Variants in SH3RF3 observed in about 807,000 individuals in gnomAD.
The protein encoded by SH3RF3 is E3 ubiquitin-protein ligase SH3RF3.
Under a neutral mutation model 66.3 loss-of-function variants are expected in SH3RF3, and 29 were observed. The ratio of observed to expected loss-of-function variants is 0.44; its 90% CI spans 0.33 to 0.60. SH3RF3 has a LOEUF of 0.60. Among genes scored for constraint, SH3RF3 ranks in the 20% least tolerant of loss-of-function variants. SH3RF3 has a pLI of 0.04. For synonymous variants in SH3RF3, 583 were observed against 532.0 expected, an observed-to-expected ratio of 1.10 and a Z score of -1.32; for missense variants, 1,194 against 1,190.9, an observed-to-expected ratio of 1.00 and a Z score of -0.04.
chr2:109,437,187 G>A, intron 7 of SH3RF3, 41 bp downstream of exon 7: 1 of 1,562,268 alleles, frequency 6.4e-7, no homozygotes, highest in Non-Finnish European at 8.7e-7. Flanking sequence ...CATCAACAAG[G>A]GGGCTTCCTG....
At position 109,249,527 on chromosome 2, in the gene SH3RF3, C is replaced by CTT. The variant is rs1175710698; in HGVS notation, c.574-98145_574-98144dup. Among the ~76,000 whole-genome samples the CTT allele has an allele frequency of 3.1e-3, 363 of 117,436 alleles. 2 individuals carry two copies. The highest frequency in any genetic ancestry group is 4.3e-3 in the Non-Finnish European group (237 of 55,026). The allele number at this position is 117,436 out of a possible 152,430, so 77.0% of individuals were successfully genotyped here. A position where few individuals can be genotyped will look rare whatever the true frequency, so the allele number is the denominator to read the frequency against. ...TTTCTTTCATTCTTTCTTTTTCTTT[C>CTT]TTTCTTTCCTTCCTTCCTTCCTTCC... On this transcript the variant is annotated intron_variant, in intron 1 of 9. Coordinates refer to ENST00000309415, the MANE Select transcript of SH3RF3 (RefSeq NM_001099289.3).
At chr2:109,194,736 CG>C (rs1678456025) in intron 1 of SH3RF3, among the ~76,000 whole-genome samples, 1 of 152,174 alleles carries the variant, frequency 6.6e-6, no homozygotes, top group Non-Finnish European at 1.5e-5. Flanking sequence ...CCCTGCAGGC[CG>C]GGGATGCTTC....
chr2:109,446,165 C>A (rs1677698709), intron 7 of SH3RF3, among the ~76,000 whole-genome samples: 1 of 152,160 alleles, frequency 6.6e-6, no homozygotes, highest in South Asian at 2.1e-4. Flanking sequence ...TGAGCACACT[C>A]TTCACCAGCC....
At chr2:109,380,180 T>TAG (rs1683481415) in intron 3 of SH3RF3, among the ~76,000 whole-genome samples, 1 of 152,162 alleles carries the variant, frequency 6.6e-6, no homozygotes, top group Admixed American at 6.5e-5. Context: ...CCAGCAAAAA[T>TAG]AGGTAGGTGC....
At chr2:109,339,869 C>A (rs1682518727) in intron 1 of SH3RF3, among the ~76,000 whole-genome samples, 1 of 152,204 alleles carries the variant, frequency 6.6e-6, no homozygotes, top group African/African-American at 2.4e-5. Flanking sequence ...CTGCCCTTTC[C>A]CTTCCATAAT....
chr2:109,402,721 G>A (rs1676347738), intron 4 of SH3RF3, among the ~76,000 whole-genome samples: 1 of 152,240 alleles, frequency 6.6e-6, no homozygotes, highest in Admixed American at 6.5e-5. Context: ...ACAGGATGGT[G>A]AAGTGTACAA....
chr2:109,468,854 A>AG (rs1397483514), intron 8 of SH3RF3, among the ~76,000 whole-genome samples: 1 of 131,766 alleles, frequency 7.6e-6, no homozygotes, highest in South Asian at 2.6e-4. Context: ...ACTCTGTCTC[A>AG]GAAAAAAAAA....
intron 1 of SH3RF3, among the ~76,000 whole-genome samples, chr2:109,185,456 AC>A (rs1368792068): frequency 6.6e-6 from 1 of 152,256 alleles, no homozygotes; most frequent in Non-Finnish European, 1.5e-5. Flanking sequence ...AGTTAATTTA[AC>A]AAAATAAACT....
chr2:109,210,025 G>A (rs1191867837), intron 1 of SH3RF3, among the ~76,000 whole-genome samples: 1 of 152,200 alleles, frequency 6.6e-6, no homozygotes, highest in African/African-American at 2.4e-5. Flanking sequence ...CTCTGTGAAT[G>A]ACTATTCTAG....
At chr2:109,257,307 TAAGGAAGAGGG>T (rs1436780004) in intron 1 of SH3RF3, among the ~76,000 whole-genome samples, 1 of 147,174 alleles carries the variant, frequency 6.8e-6, no homozygotes, top group Non-Finnish European at 1.5e-5. Flanking sequence ...GATGTGGGCT[TAAGGAAGAGGG>T]AAGGAGGAAT....
At chr2:109,259,950 T>A (rs958277803) in intron 1 of SH3RF3, among the ~76,000 whole-genome samples, 2 of 152,190 alleles carry the variant, frequency 1.3e-5, no homozygotes, top group African/African-American at 4.8e-5. Flanking sequence ...ATATCCATGT[T>A]CTCAGACGCC....
chr2:109,398,940 C>G lies in SH3RF3; in HGVS notation c.1296C>G (p.Thr432=). ...DLAHLSCAAP[T]QDVSSSAGST... The stretch of plus-strand genomic sequence containing the variant: ...CTCATCTGTCGTGCGCTGCTCCCAC[C>G]CAGGTAACATCCCGCGGGCCAGGGC... The change falls in exon 4 of 10, where the codon ACC becomes ACG. Residue 432 remains threonine (T), a synonymous_variant. Coordinates refer to ENST00000309415, the MANE Select transcript of SH3RF3 (RefSeq NM_001099289.3). 1.2e-6 allele frequency: 2 copies of G among 1,610,402 alleles called. No individual in the cohort carries two copies. Among genetic ancestry groups the G allele is most frequent in the Non-Finnish European group, 1.7e-6 (2 of 1,178,846 alleles).
chr2:109,278,824 G>A lies in SH3RF3; in HGVS notation c.574-68850G>A, dbSNP rs143649316. Among the ~76,000 whole-genome samples, 1,305 of 152,286 alleles carry A rather than the reference G, an allele frequency of 8.6e-3. 14 individuals carry two copies. The highest frequency in any genetic ancestry group is 0.012 in the Non-Finnish European group (801 of 68,026). ...GTTTGTGGGTATTGCATCGGCCAAG[G>A]CAAATCGTGGGGCTAAGCCCAGGGT... is the stretch of plus-strand genomic sequence containing the variant. On this transcript the variant is annotated intron_variant, in intron 1 of 9. Transcript: ENST00000309415.
intron 1 of SH3RF3, among the ~76,000 whole-genome samples, chr2:109,335,014 C>T (rs1402009213): frequency 6.6e-6 from 1 of 152,242 alleles, no homozygotes; most frequent in East Asian, 1.9e-4. Flanking sequence ...TATGTCACCG[C>T]GTTGGCGACT....
chr2:109,395,278 C>G (rs1019107854), intron 3 of SH3RF3, among the ~76,000 whole-genome samples: 5 of 152,146 alleles, frequency 3.3e-5, no homozygotes, highest in Non-Finnish European at 7.4e-5. Flanking sequence ...TGAGGCCCTT[C>G]GGGTTAGTCC....
At chr2:109,387,343 GT>G (rs1201547047) in intron 3 of SH3RF3, among the ~76,000 whole-genome samples, 4 of 152,114 alleles carry the variant, frequency 2.6e-5, no homozygotes, top group Non-Finnish European at 5.9e-5. Context: ...GAGCCCTCCG[GT>G]TCCCCATCTC....
chr2:109,180,015 A>G (rs1341570709), intron 1 of SH3RF3, among the ~76,000 whole-genome samples: 6 of 152,150 alleles, frequency 3.9e-5, no homozygotes, highest in Non-Finnish European at 8.8e-5. Context: ...GACCCATTCA[A>G]ATTACCTCAA....
chr2:109,331,226 G>C (rs541498598), intron 1 of SH3RF3, among the ~76,000 whole-genome samples: 2 of 152,122 alleles, frequency 1.3e-5, no homozygotes, highest in East Asian at 1.9e-4. Context: ...GAAATTTCCT[G>C]ATATTGTGTA....
intron 1 of SH3RF3, among the ~76,000 whole-genome samples, chr2:109,277,757 T>C (rs1680791467): frequency 6.6e-6 from 1 of 152,140 alleles, no homozygotes; most frequent in Non-Finnish European, 1.5e-5. Flanking sequence ...GGTGGATGTG[T>C]AGGTTTTGGG....
Sources: gnomAD v4.1 joint callset for allele counts (sites outside exome capture counted in the v4.1 genomes callset) on GRCh38, gnomAD v4.1.1 for gene constraint, MANE v1.5 for transcripts, NCBI Gene and HGNC (gene_info 2026-07-23, HGNC 2026-07-21) for gene names.